DLGAP2: variants seen among roughly 807,000 people sequenced by gnomAD.
The protein encoded by DLGAP2 is DLG associated protein 2, also known as disks large-associated protein 2.
DLGAP2 carries 26 observed loss-of-function variants against 100.3 expected under a neutral mutation model. That is an observed-to-expected ratio of 0.26 (90% CI 0.19 to 0.36). DLGAP2 has a LOEUF of 0.36. DLGAP2 is among the 10% of genes least tolerant of loss of function. DLGAP2 has a pLI of 1.00. For synonymous variants in DLGAP2, 886 were observed against 630.1 expected (o/e 1.41, Z -6.08); for missense variants, 1,858 against 1,453.2 (o/e 1.28, Z -4.53).
chr8:861,793 A>AT (rs1797397014), intron 1 of DLGAP2, among the ~76,000 whole-genome samples: 1 of 152,118 alleles, frequency 6.6e-6, no homozygotes, highest in Non-Finnish European at 1.5e-5. Flanking sequence ...GGACACACCT[A>AT]ACCTCCCGGT....
intron 2 of DLGAP2, among the ~76,000 whole-genome samples, chr8:994,237 G>T (rs1335854540): frequency 6.6e-6 from 1 of 152,174 alleles, no homozygotes; most frequent in Non-Finnish European, 1.5e-5. Context: ...TTTCACTCTT[G>T]TTGCCCAGGC....
intron 2 of DLGAP2, among the ~76,000 whole-genome samples, chr8:927,735 AT>A (rs1798849638): frequency 6.6e-6 from 1 of 152,100 alleles, no homozygotes; most frequent in African/African-American, 2.4e-5. Context: ...CAGGAAGGAG[AT>A]TTGGAGTATG....
intron 3 of DLGAP2, among the ~76,000 whole-genome samples, chr8:1,453,112 G>A (rs994354609): frequency 8.6e-5 from 13 of 151,962 alleles, no homozygotes; most frequent in Admixed American, 2.6e-4. Context: ...GAGACTGCTC[G>A]GGAGCTGAGA....
At chr8:1,190,448 C>T (rs566971127) in intron 2 of DLGAP2, among the ~76,000 whole-genome samples, 36 of 152,156 alleles carry the variant, frequency 2.4e-4, no homozygotes, top group Admixed American at 7.8e-4. Flanking sequence ...CTGTTGGAGT[C>T]GCTCCCCTGT....
chr8:1,584,662 C>T (rs1796059350), intron 6 of DLGAP2, among the ~76,000 whole-genome samples: 1 of 152,172 alleles, frequency 6.6e-6, no homozygotes, highest in Non-Finnish European at 1.5e-5. Context: ...GCTCAGGCAT[C>T]TGGGCATGAG....
rs562136706 is a variant in DLGAP2 at position 1,284,453 on chromosome 8, C to G, written c.106+25570C>G. On this transcript the variant is annotated intron_variant, in intron 3 of 14. Transcript: ENST00000637795. ...AGGTGTGTGGACCGTCACCTGGGCT[C>G]CAGCGCTAACGTAAAGATGTGAGGA... Among the ~76,000 whole-genome samples, 14 of 152,182 alleles carry G rather than the reference C, an allele frequency of 9.2e-5. No homozygotes were observed. The South Asian group carries it at 2.1e-3, about 23-fold the overall frequency.
chr8:1,638,065 C>T (rs1287382104), intron 8 of DLGAP2, among the ~76,000 whole-genome samples: 2 of 152,240 alleles, frequency 1.3e-5, no homozygotes, highest in South Asian at 2.1e-4. Flanking sequence ...GAAGGCAGGA[C>T]GGATGGGGGA....
chr8:867,282 A>C (rs1227556120), intron 1 of DLGAP2, among the ~76,000 whole-genome samples: 2 of 152,164 alleles, frequency 1.3e-5, no homozygotes, highest in Non-Finnish European at 2.9e-5. Flanking sequence ...TTTATGTTGG[A>C]ATATGTTGAA....
chr8:1,005,291 C>G (rs1417754123), intron 2 of DLGAP2, among the ~76,000 whole-genome samples: 2 of 152,058 alleles, frequency 1.3e-5, no homozygotes, highest in Admixed American at 6.6e-5. Context: ...CCTGTGACTT[C>G]TACTCAGAAA....
At chr8:1,092,556 C>T (rs150053666) in intron 2 of DLGAP2, among the ~76,000 whole-genome samples, 235 of 152,334 alleles carry the variant, frequency 1.5e-3, no homozygotes, top group Non-Finnish European at 2.7e-3. Context: ...CTGTGGCCGG[C>T]TCTGTGGCAT....
intron 3 of DLGAP2, among the ~76,000 whole-genome samples, chr8:1,446,890 G>A (rs1196760380): frequency 6.6e-6 from 1 of 152,174 alleles, no homozygotes; most frequent in Non-Finnish European, 1.5e-5. Flanking sequence ...TTGGCTCTCT[G>A]TTTGCCTGTT....
intron 2 of DLGAP2, among the ~76,000 whole-genome samples, chr8:1,160,021 G>A (rs1317613566): frequency 6.6e-5 from 10 of 152,198 alleles, no homozygotes; most frequent in Admixed American, 4.6e-4. Flanking sequence ...CCACCTGCAC[G>A]CTGTTTGTGA....
At chr8:1,595,979 G>A (rs974936175) in intron 6 of DLGAP2, among the ~76,000 whole-genome samples, 90 of 151,618 alleles carry the variant, frequency 5.9e-4, no homozygotes, top group African/African-American at 1.9e-3. Context: ...CCATTAACTC[G>A]TCATTTAGCA....
At chr8:810,100 T>C (rs1158808252) in intron 1 of DLGAP2, among the ~76,000 whole-genome samples, 1 of 152,208 alleles carries the variant, frequency 6.6e-6, no homozygotes, top group Admixed American at 6.5e-5. Flanking sequence ...TTCTAACTAC[T>C]GTTCATGACT....
At chr8:1,256,050 C>T (rs1799202417) in intron 2 of DLGAP2, among the ~76,000 whole-genome samples, 1 of 113,656 alleles carries the variant, frequency 8.8e-6, no homozygotes, top group Non-Finnish European at 1.7e-5. Context: ...GTGTGTGTGT[C>T]CTCTCATCCT....
At chr8:1,579,249 T>G (rs552183739) in intron 6 of DLGAP2, among the ~76,000 whole-genome samples, 1 of 152,284 alleles carries the variant, frequency 6.6e-6, no homozygotes, top group Admixed American at 6.5e-5. Context: ...TCAAAGATAC[T>G]TCATATCATA....
chr8:1,364,486 C>T (rs976100462), intron 3 of DLGAP2, among the ~76,000 whole-genome samples: 3 of 133,056 alleles, frequency 2.3e-5, no homozygotes, highest in Admixed American at 7.8e-5. Flanking sequence ...GAGGCGGGCG[C>T]CGGTCATGGG....
At chr8:785,636 C>T (rs1300312586) in intron 1 of DLGAP2, among the ~76,000 whole-genome samples, 1 of 65,472 alleles carries the variant, frequency 1.5e-5, no homozygotes, top group Non-Finnish European at 3.6e-5. Flanking sequence ...GGCCTCCCTC[C>T]TCCCCTCAGG....
chr8:1,089,289 A>G (rs17668341), intron 2 of DLGAP2, among the ~76,000 whole-genome samples: 14,617 of 152,324 alleles, frequency 0.096, 832 homozygotes, highest in East Asian at 0.17. Context: ...GACATGGTCT[A>G]TTGGTCTGTA....
Sources: allele counts gnomAD v4.1 joint callset (sites outside exome capture counted in the v4.1 genomes callset), GRCh38; gene constraint gnomAD v4.1.1; transcripts MANE v1.5; gene names NCBI Gene and HGNC (gene_info 2026-07-23, HGNC 2026-07-21).